The following INO80 variants were observed in gnomAD, a reference collection of about 807,000 sequenced individuals.
The protein encoded by INO80 is chromatin-remodeling ATPase INO80.
Under a neutral mutation model 203.4 loss-of-function variants are expected in INO80, and 20 were observed. The observed-to-expected ratio is 0.10, with a 90% CI of 0.07 to 0.14. The LOEUF is 0.14. Among genes scored for constraint, INO80 ranks in the 10% least tolerant of loss-of-function variants. INO80 has a pLI of 1.00. For synonymous variants in INO80, 726 were observed against 685.2 expected (o/e 1.06, Z -0.93); for missense variants, 1,419 against 1,914.4 (o/e 0.74, Z 4.83).
chr15:41,002,878 G>T (rs1301257380), intron 28 of INO80, among the ~76,000 whole-genome samples: 1 of 152,210 alleles, frequency 6.6e-6, no homozygotes, highest in Non-Finnish European at 1.5e-5. Context: ...GCCGAGGCGG[G>T]TGGATCATGA....
At chr15:41,106,118 C>T (rs496499) in intron 1 of INO80, among the ~76,000 whole-genome samples, 18,008 of 151,990 alleles carry the variant, frequency 0.12, 3,191 homozygotes, top group African/African-American at 0.39. Flanking sequence ...CTTTGGCCAA[C>T]CGCAGTGACT....
intron 8 of INO80, 29 bp from the exon 9 acceptor site, chr15:41,079,933 A>G: frequency 6.2e-7 from 1 of 1,601,366 alleles, no homozygotes; most frequent in Non-Finnish European, 8.6e-7. Flanking sequence ...TTACAGCGGA[A>G]AGGACCCCAT....
intron 5 of INO80, among the ~76,000 whole-genome samples, chr15:41,088,262 GT>G (rs1231144585): frequency 2.0e-5 from 3 of 151,702 alleles, no homozygotes; most frequent in Non-Finnish European, 4.4e-5. Context: ...GCTGATTTTT[GT>G]ATTTTTAGTA....
chr15:40,983,255 A>G (rs1324033518), intron 34 of INO80, 178 bp from the exon 35 acceptor site: 1 of 588,656 alleles, frequency 1.7e-6, no homozygotes, highest in Non-Finnish European at 3.0e-6. Flanking sequence ...ACAGAATACT[A>G]AGAATTCTAA....
At position 40,999,611 on chromosome 15, in the gene INO80, T is replaced by C. The variant is rs561671326; in HGVS notation, c.3498-2010A>G. Among the ~76,000 whole-genome samples, 4 of 152,308 alleles carry C rather than the reference T, an allele frequency of 2.6e-5. No individual in the cohort carries two copies. In the South Asian group the frequency reaches 8.3e-4, roughly 32 times the overall value. On this transcript the variant is annotated intron_variant, in intron 28 of 35. Transcript: ENST00000648947. ...TTATCCTTAAATTTTATCACAAAGG[T>C]TAATATTTCGTAATTGTATTTATTT...
At chr15:41,055,190 T>C in intron 18 of INO80, 57 bp downstream of exon 18, 1 of 841,776 alleles carries the variant, frequency 1.2e-6, no homozygotes, top group Non-Finnish European at 1.9e-6. Flanking sequence ...AAATATGCAA[T>C]TACGTGGTTG....
intron 32 of INO80, 60 bp from the exon 33 acceptor site, chr15:40,984,412 G>C (rs1893946028): frequency 1.3e-6 from 2 of 1,491,600 alleles, no homozygotes; most frequent in South Asian, 2.4e-5. Context: ...AGAAAAGCGG[G>C]ATTTGGGAAG....
At chr15:41,004,174 C>A (rs1352081564) in intron 28 of INO80, among the ~76,000 whole-genome samples, 1 of 152,194 alleles carries the variant, frequency 6.6e-6, no homozygotes, top group Admixed American at 6.5e-5. Context: ...GCTATCCACA[C>A]AGCTGCACGA....
At chr15:41,028,260 C>T (rs893971874) in intron 24 of INO80, among the ~76,000 whole-genome samples, 10 of 152,092 alleles carry the variant, frequency 6.6e-5, no homozygotes, top group Non-Finnish European at 1.0e-4. Context: ...CTCATCCTCC[C>T]GAGTAGTTGC....
intron 19 of INO80, 30 bp from the exon 20 acceptor site, chr15:41,050,132 GA>G: frequency 1.3e-6 from 2 of 1,535,488 alleles, no homozygotes; most frequent in Non-Finnish European, 1.8e-6. Context: ...TTTATATTTG[GA>G]AAAGTAGTTT....
intron 12 of INO80, among the ~76,000 whole-genome samples, 170 bp downstream of exon 12, chr15:41,071,679 T>C (rs2045319747): frequency 6.6e-6 from 1 of 151,940 alleles, no homozygotes; most frequent in South Asian, 2.1e-4. Flanking sequence ...CAGGCTGGTC[T>C]CGAACTCCCA....
chr15:41,055,835 G>A (rs956282399), intron 17 of INO80, among the ~76,000 whole-genome samples: 5 of 152,006 alleles, frequency 3.3e-5, no homozygotes, highest in Non-Finnish European at 7.4e-5. Context: ...ATTGCCTATG[G>A]CTACTTTATT....
At chr15:41,054,590 T>A (rs928040030) in intron 18 of INO80, among the ~76,000 whole-genome samples, 19 of 152,304 alleles carry the variant, frequency 1.2e-4, no homozygotes, top group Middle Eastern at 3.4e-3. Flanking sequence ...GAAAAAAGCT[T>A]TGACCCATTA....
chr15:41,045,955 A>G (rs952151300), intron 23 of INO80, among the ~76,000 whole-genome samples: 6 of 151,810 alleles, frequency 4.0e-5, no homozygotes, highest in African/African-American at 1.5e-4. Context: ...TGATTACATA[A>G]ATCAAAAGTA....
intron 27 of INO80, among the ~76,000 whole-genome samples, chr15:41,006,017 A>G (rs951360171): frequency 1.3e-5 from 2 of 151,864 alleles, no homozygotes; most frequent in African/African-American, 2.4e-5. Context: ...CATCAACCAG[A>G]TATCTTTCAC....
At chr15:41,098,403 A>T (rs962102521) in intron 1 of INO80, among the ~76,000 whole-genome samples, 1 of 152,154 alleles carries the variant, frequency 6.6e-6, no homozygotes, top group Non-Finnish European at 1.5e-5. Context: ...AACTAGGCAC[A>T]GTGGCTCATG....
rs771380990 is a variant in INO80 at position 41,025,540 on chromosome 15, C to A, written c.3048+2056G>T. ...GCCCAGCCTGGCTAACATGGTGAAACCCTGTCTCTACTAAAAATACAAAAA... is the reference window on the plus strand; with the variant it reads ...GCCCAGCCTGGCTAACATGGTGAAAACCTGTCTCTACTAAAAATACAAAAA... On this transcript the variant is annotated intron_variant, in intron 25 of 35. Transcript: ENST00000648947. Among the ~76,000 whole-genome samples the A allele has an allele frequency of 1.2e-4, 19 of 152,082 alleles. No homozygotes were observed. The Middle Eastern group carries it at 0.01, about 82-fold the overall frequency.
At chr15:41,096,422 T>A (rs759957119) in intron 1 of INO80, 69 bp from the exon 2 acceptor site, 17 of 1,148,172 alleles carry the variant, frequency 1.5e-5, no homozygotes, top group Non-Finnish European at 2.0e-5. Flanking sequence ...GCCTGCTTGT[T>A]CCCAATGTGA....
At chr15:41,086,808 C>G in intron 6 of INO80, among the ~76,000 whole-genome samples, 1 of 152,136 alleles carries the variant, frequency 6.6e-6, no homozygotes, top group East Asian at 1.9e-4. Flanking sequence ...CAAACAAACA[C>G]TACAGAAGAT....
Sources: allele counts gnomAD v4.1 joint callset (sites outside exome capture counted in the v4.1 genomes callset), GRCh38; gene constraint gnomAD v4.1.1; transcripts MANE v1.5; gene names NCBI Gene and HGNC (gene_info 2026-07-23, HGNC 2026-07-21).